Variants in MAGI2 observed in about 807,000 individuals in gnomAD.
MAGI2 encodes the protein membrane-associated guanylate kinase, WW and PDZ domain-containing protein 2.
In MAGI2, 35 loss-of-function variants were observed where a neutral mutation model predicts 133.3. The ratio of observed to expected loss-of-function variants is 0.26; its 90% CI spans 0.20 to 0.35. The LOEUF (loss-of-function observed/expected upper bound fraction) is 0.35, where lower values mean the gene tolerates loss of function less well. Ranked by LOEUF, MAGI2 falls within the 10% of genes least tolerant of loss-of-function variation. MAGI2 has a pLI of 1.00. For synonymous variants in MAGI2, 729 were observed against 710.6 expected, an observed-to-expected ratio of 1.03 and a Z score of -0.41; for missense variants, 1,636 against 1,863.4, an observed-to-expected ratio of 0.88 and a Z score of 2.25.
intron 9 of MAGI2, among the ~76,000 whole-genome samples, chr7:78,327,538 A>C (rs1788709343): frequency 6.6e-6 from 1 of 152,138 alleles, no homozygotes; most frequent in South Asian, 2.1e-4. Flanking sequence ...ATCTACCCTG[A>C]AGATTCTGTT....
At chr7:78,025,221 T>C (rs2151045351) in intron 21 of MAGI2, among the ~76,000 whole-genome samples, 1 of 152,306 alleles carries the variant, frequency 6.6e-6, no homozygotes, top group African/African-American at 2.4e-5. Context: ...GGAGGAAGGC[T>C]TCCCCACAAC....
intron 1 of MAGI2, among the ~76,000 whole-genome samples, chr7:79,153,891 C>T (rs906255326): frequency 3.9e-5 from 6 of 152,036 alleles, no homozygotes; most frequent in Admixed American, 6.6e-5. Context: ...GCATTTTCCA[C>T]ACCAAAATGG....
intron 2 of MAGI2, among the ~76,000 whole-genome samples, chr7:78,904,852 A>C (rs761625315): frequency 1.3e-5 from 2 of 152,194 alleles, no homozygotes; most frequent in African/African-American, 2.4e-5. Flanking sequence ...CAAAAGTTTT[A>C]GGAGAAAGAA....
chr7:78,932,722 T>C (rs1800229916), intron 2 of MAGI2, among the ~76,000 whole-genome samples: 1 of 152,112 alleles, frequency 6.6e-6, no homozygotes, highest in African/African-American at 2.4e-5. Context: ...GTATTAAATT[T>C]GTAAAGCTTT....
chr7:79,384,007 T>A (rs1843999292), intron 1 of MAGI2, among the ~76,000 whole-genome samples: 1 of 151,574 alleles, frequency 6.6e-6, no homozygotes, highest in African/African-American at 2.4e-5. Flanking sequence ...ACATAAGTTA[T>A]GATAAAGCCA....
intron 1 of MAGI2, among the ~76,000 whole-genome samples, chr7:79,419,676 T>C (rs1382297947): frequency 6.6e-6 from 1 of 152,064 alleles, no homozygotes; most frequent in Non-Finnish European, 1.5e-5. Context: ...ATACAAACTA[T>C]GTATTAAAAG....
rs534981902 is a variant in MAGI2 at position 78,478,625 on chromosome 7, AT to A, written c.1045+11135del. ...ATTTAGACATCTGGTTCCAAACAAG[AT>A]GGTGTAGACCCAATTTTCCCATTTC... On this transcript the variant is annotated intron_variant, in intron 6 of 21. Transcript: ENST00000354212. 2.0e-3 allele frequency among the ~76,000 whole-genome samples: 301 copies of A among 152,076 alleles called. 1 individual carries two copies. In the Middle Eastern group the frequency reaches 0.024, roughly 12 times the overall value.
At position 78,882,874 on chromosome 7, in the gene MAGI2, A is replaced by G. The variant is rs149092665; in HGVS notation, c.418+124216T>C. ...AACATACCTCAAAATAATAAGAGCC[A>G]TCTATGACAAACACACAGCCAACAT... On this transcript the variant is annotated intron_variant, in intron 2 of 21. Transcript: ENST00000354212. 2.0e-5 allele frequency among the ~76,000 whole-genome samples: 3 copies of G among 152,254 alleles called. No individual in the cohort carries two copies. In the East Asian group the frequency reaches 5.8e-4, roughly 29 times the overall value.
intron 10 of MAGI2, among the ~76,000 whole-genome samples, chr7:78,213,475 T>C (rs1787966510): frequency 6.6e-6 from 1 of 152,212 alleles, no homozygotes; most frequent in East Asian, 1.9e-4. Flanking sequence ...CAAGAGGTCA[T>C]AGTCAAAGCT....
At chr7:79,243,116 A>G (rs1164222190) in intron 1 of MAGI2, among the ~76,000 whole-genome samples, 1 of 152,010 alleles carries the variant, frequency 6.6e-6, no homozygotes, top group Non-Finnish European at 1.5e-5. Context: ...ACAGAGCAAG[A>G]CTCTGTTTCA....
intron 2 of MAGI2, among the ~76,000 whole-genome samples, chr7:78,770,152 ACT>A (rs763507304): frequency 3.3e-5 from 5 of 152,062 alleles, no homozygotes; most frequent in African/African-American, 9.7e-5. Flanking sequence ...AACAAAAGAC[ACT>A]CTATCTGCAC....
chr7:78,817,249 G>A (rs1394725186), intron 2 of MAGI2, among the ~76,000 whole-genome samples: 1 of 152,178 alleles, frequency 6.6e-6, no homozygotes, highest in Non-Finnish European at 1.5e-5. Flanking sequence ...AAAGAAAGTA[G>A]TTTCTTTCAG....
At chr7:78,189,014 CGATTACA>C (rs1563235867) in intron 12 of MAGI2, among the ~76,000 whole-genome samples, 1 of 152,224 alleles carries the variant, frequency 6.6e-6, no homozygotes, top group East Asian at 1.9e-4. Flanking sequence ...GTGAATAATA[CGATTACA>C]GTACCCCATC....
At chr7:78,829,574 C>T (rs1216937149) in intron 2 of MAGI2, among the ~76,000 whole-genome samples, 1 of 152,024 alleles carries the variant, frequency 6.6e-6, no homozygotes, top group African/African-American at 2.4e-5. Flanking sequence ...ATATCCCTGA[C>T]ACTTATCAAA....
At chr7:78,614,287 G>GAAAAAA (rs200261510) in intron 3 of MAGI2, 3 of 74,390 alleles carry the variant, frequency 4.0e-5, no homozygotes, top group Non-Finnish European at 5.5e-5. Flanking sequence ...AAAAGTGAAA[G>GAAAAAA]AAAAAAAAAA....
At chr7:79,059,752 G>T (rs761925995) in intron 1 of MAGI2, among the ~76,000 whole-genome samples, 35 of 152,012 alleles carry the variant, frequency 2.3e-4, no homozygotes, top group Non-Finnish European at 3.7e-4. Context: ...AAAATGTAAA[G>T]GGAAATATAT....
chr7:78,580,392 G>A (rs757794119), intron 3 of MAGI2, among the ~76,000 whole-genome samples: 1 of 152,182 alleles, frequency 6.6e-6, no homozygotes, highest in Non-Finnish European at 1.5e-5. Context: ...TGATGTACGT[G>A]TTCAGTCACA....
chr7:78,744,955 G>C (rs1822782751), intron 2 of MAGI2, among the ~76,000 whole-genome samples: 1 of 152,158 alleles, frequency 6.6e-6, no homozygotes, highest in Non-Finnish European at 1.5e-5. Flanking sequence ...TGTAATAATA[G>C]TTAGAGCTGA....
chr7:78,588,053 T>C (rs1475819594), intron 3 of MAGI2, among the ~76,000 whole-genome samples: 1 of 152,148 alleles, frequency 6.6e-6, no homozygotes, highest in African/African-American at 2.4e-5. Context: ...GTGAAACTTT[T>C]TGGGAAAAAA....
Sources: allele counts gnomAD v4.1 joint callset (sites outside exome capture counted in the v4.1 genomes callset), GRCh38; gene constraint gnomAD v4.1.1; transcripts MANE v1.5; gene names NCBI Gene and HGNC (gene_info 2026-07-23, HGNC 2026-07-21).